The following CDC42SE2 variants were observed in gnomAD, a reference collection of about 807,000 sequenced individuals.
CDC42SE2 encodes the protein CDC42 small effector 2, also known as CDC42 small effector protein 2.
A neutral mutation model predicts 11.5 loss-of-function variants in CDC42SE2; 3 were observed. That is an observed-to-expected ratio of 0.26 (90% CI 0.12 to 0.67). The LOEUF is 0.67. CDC42SE2 is among the 30% of genes least tolerant of loss of function. CDC42SE2 has a pLI of 0.80. For synonymous variants in CDC42SE2, 33 were observed against 34.8 expected, an observed-to-expected ratio of 0.95 and a Z score of 0.18; for missense variants, 82 against 106.8, an observed-to-expected ratio of 0.77 and a Z score of 1.02.
At chr5:131,289,843 T>G (rs79064844) in intron 1 of CDC42SE2, among the ~76,000 whole-genome samples, 3,206 of 152,196 alleles carry the variant, frequency 0.021, 119 homozygotes, top group African/African-American at 0.073. Context: ...AATGACTTTT[T>G]TTTTTTCCTT....
the CDC42SE2 span, among the ~76,000 whole-genome samples, chr5:131,223,215 C>T: frequency 5.9e-5 from 9 of 152,240 alleles, no homozygotes; most frequent in East Asian, 1.7e-3. Context: ...CCTCTAGTCC[C>T]ACCAGACATT....
chr5:131,277,983 A>G (rs1365296251), intron 1 of CDC42SE2, among the ~76,000 whole-genome samples: 1 of 152,084 alleles, frequency 6.6e-6, no homozygotes, highest in Non-Finnish European at 1.5e-5. Context: ...CCAGGTACCA[A>G]TTTCATCTAT....
intron 1 of CDC42SE2, among the ~76,000 whole-genome samples, 199 bp downstream of exon 1, chr5:131,264,365 CT>C (rs1305925383): frequency 6.6e-6 from 1 of 152,200 alleles, no homozygotes; most frequent in Non-Finnish European, 1.5e-5. Flanking sequence ...TCCTCATGCC[CT>C]AGGACCCTGC....
At chr5:131,225,980 T>G in the CDC42SE2 span, among the ~76,000 whole-genome samples, 3 of 152,232 alleles carry the variant, frequency 2.0e-5, no homozygotes, top group African/African-American at 7.2e-5. Flanking sequence ...GAAGCAGAGA[T>G]TCTTGATTTG....
the CDC42SE2 span, among the ~76,000 whole-genome samples, chr5:131,222,280 C>T: frequency 6.6e-6 from 1 of 152,188 alleles, no homozygotes; most frequent in Non-Finnish European, 1.5e-5. Context: ...TCTTGGCCAT[C>T]CAAAAGTCTC....
At chr5:131,247,820 T>C (rs1461396612) in intron 1 of CDC42SE2, among the ~76,000 whole-genome samples, 1 of 152,046 alleles carries the variant, frequency 6.6e-6, no homozygotes, top group Non-Finnish European at 1.5e-5. Context: ...ATTTTCTTTT[T>C]GTAGAGACAG....
chr5:131,268,051 ATTCT>A lies in CDC42SE2; in HGVS notation c.-455+3888_-455+3891del, dbSNP rs1161717102. Among the ~76,000 whole-genome samples, 5 of 78,088 alleles carry A rather than the reference ATTCT, an allele frequency of 6.4e-5. No homozygotes were observed. The East Asian group carries it at 2.1e-3, about 32-fold the overall frequency. 51.2% of individuals were successfully genotyped at this position (78,088 alleles called of 152,430 possible). ...TTGAGAGAAGTACATGTACATGCTT[ATTCT>A]TTTTTTTTTTTTTTTTTTTTTTTTT... On this transcript the variant is annotated intron_variant, in intron 1 of 4. Coordinates refer to ENST00000505065, the MANE Select transcript of CDC42SE2 (RefSeq NM_001375635.1).
intron 2 of CDC42SE2, among the ~76,000 whole-genome samples, chr5:131,345,960 G>A (rs1239020461): frequency 6.6e-6 from 1 of 152,156 alleles, no homozygotes; most frequent in African/African-American, 2.4e-5. Context: ...GAGAGATTTT[G>A]TCACCACCAG....
At chr5:131,240,290 GTTTC>G in the CDC42SE2 span, among the ~76,000 whole-genome samples, 9 of 152,062 alleles carry the variant, frequency 5.9e-5, no homozygotes, top group Non-Finnish European at 8.8e-5. Context: ...GCAGTATTGG[GTTTC>G]TCTCCTAACA....
intron 2 of CDC42SE2, among the ~76,000 whole-genome samples, chr5:131,324,595 G>C (rs1758259663): frequency 1.3e-5 from 2 of 152,284 alleles, no homozygotes; most frequent in South Asian, 2.1e-4. Flanking sequence ...ATGTGGGACT[G>C]AGCTAATGAA....
At chr5:131,319,763 G>A (rs918925808) in intron 2 of CDC42SE2, among the ~76,000 whole-genome samples, 4 of 152,102 alleles carry the variant, frequency 2.6e-5, no homozygotes, top group African/African-American at 9.7e-5. Context: ...AAAAGAATGA[G>A]CATTTAGGCC....
chr5:131,345,039 A>G (rs1758805279), intron 2 of CDC42SE2, among the ~76,000 whole-genome samples: 1 of 152,276 alleles, frequency 6.6e-6, no homozygotes, highest in African/African-American at 2.4e-5. Flanking sequence ...AACCACAAAT[A>G]TGGGGAGAAA....
intron 1 of CDC42SE2, among the ~76,000 whole-genome samples, chr5:131,266,460 CT>C (rs913283936): frequency 0.036 from 4,618 of 127,982 alleles, 137 homozygotes; most frequent in African/African-American, 0.11. Context: ...TTTTTTTTTT[CT>C]TTTTTTTTTT....
At chr5:131,273,060 A>T (rs971310687) in intron 1 of CDC42SE2, among the ~76,000 whole-genome samples, 1 of 151,926 alleles carries the variant, frequency 6.6e-6, no homozygotes, top group African/African-American at 2.4e-5. Context: ...ACATATGTTT[A>T]GACCTCTTCT....
At chr5:131,366,468 T>C (rs1427387450) in intron 3 of CDC42SE2, among the ~76,000 whole-genome samples, 1 of 152,196 alleles carries the variant, frequency 6.6e-6, no homozygotes, top group African/African-American at 2.4e-5. Flanking sequence ...TTTTATAAGT[T>C]TGTAAATGTC....
intron 2 of CDC42SE2, among the ~76,000 whole-genome samples, chr5:131,334,750 C>T (rs538668886): frequency 2.2e-4 from 34 of 152,232 alleles, no homozygotes; most frequent in Middle Eastern, 3.4e-3. Flanking sequence ...AGTTTATTTG[C>T]GTAGAGGTGT....
chr5:131,370,787 C>A (rs893059181), intron 3 of CDC42SE2, among the ~76,000 whole-genome samples: 1 of 152,134 alleles, frequency 6.6e-6, no homozygotes, highest in African/African-American at 2.4e-5. Flanking sequence ...AGAGTTGCTT[C>A]TAAAACACCA....
the CDC42SE2 span, among the ~76,000 whole-genome samples, chr5:131,216,501 C>CAAAAAAAAAAAAAAAAAAAAAAAAAAA: frequency 2.4e-5 from 1 of 42,170 alleles, no homozygotes; most frequent in Admixed American, 2.2e-4. Flanking sequence ...GAACCTGTCT[C>CAAAAAAAAAAAAAAAAAAAAAAAAAAA]AAAAAAAAAA....
intron 1 of CDC42SE2, among the ~76,000 whole-genome samples, chr5:131,266,150 AG>A (rs781689038): frequency 4.6e-5 from 7 of 152,198 alleles, no homozygotes; most frequent in Non-Finnish European, 8.8e-5. Context: ...CTAATTTAAA[AG>A]GATGAGATTT....
Sources: allele counts gnomAD v4.1 joint callset (sites outside exome capture counted in the v4.1 genomes callset), GRCh38; gene constraint gnomAD v4.1.1; transcripts MANE v1.5; gene names NCBI Gene and HGNC (gene_info 2026-07-23, HGNC 2026-07-21).